Variants in DDX18 observed in about 807,000 individuals in gnomAD.
DDX18 encodes the protein ATP-dependent RNA helicase DDX18.
A neutral mutation model predicts 73.5 loss-of-function variants in DDX18; 23 were observed. That is an observed-to-expected ratio of 0.31 (90% CI 0.23 to 0.44). The LOEUF (loss-of-function observed/expected upper bound fraction) is 0.44. Among genes scored for constraint, DDX18 ranks in the 20% least tolerant of loss-of-function variants. The pLI is 1.00. For missense variants in DDX18, 753 were observed against 792.9 expected (o/e 0.95, Z 0.60); for synonymous variants, 268 against 282.7 (o/e 0.95, Z 0.52).
intron 4 of DDX18, 73 bp downstream of exon 4, chr2:117,821,369 A>G (rs1679844537): frequency 3.3e-6 from 5 of 1,512,808 alleles, no homozygotes; most frequent in South Asian, 2.6e-5. Flanking sequence ...ACATACCAGT[A>G]TATTCTGTTG....
In DDX18 at chr2:117,824,583, A is replaced by C; in HGVS notation, c.1081A>C (p.Met361Leu). The C allele has an allele frequency of 6.8e-7, 1 of 1,469,968 alleles. No homozygotes were observed. The highest frequency in any genetic ancestry group is 2.6e-5 in the Admixed American group (1 of 38,568). The allele number at this position is 1,469,968 out of a possible 1,614,324, so 91.1% of individuals were successfully genotyped here. Residue 361 changes from methionine (M) to leucine (L), a missense_variant, in exon 8 of 14, where the codon ATG becomes CTG. Around this residue, in one of 3 missense-constraint regions of DDX18, gnomAD observed 402 missense variants for 419.4 expected, o/e 0.96. Coordinates refer to ENST00000263239, the MANE Select transcript of DDX18 (RefSeq NM_006773.4). ...IKLLPTRRQTMLFSATQTRKV... is the reference protein window; with the variant it reads ...IKLLPTRRQTLLFSATQTRKV... ...ATCTGTTTCAGCACGTAGACAGACTATGCTCTTTTCTGCCACCCAAACTCG... is the reference window on the plus strand; with the variant it reads ...ATCTGTTTCAGCACGTAGACAGACTCTGCTCTTTTCTGCCACCCAAACTCG...
chr2:117,827,687 A>G (rs1017548406), intron 11 of DDX18: 3 of 152,126 alleles, frequency 2.0e-5, no homozygotes, highest in Non-Finnish European at 4.4e-5. Flanking sequence ...TTATGGCTGC[A>G]TAGTATTCCA....
At chr2:117,827,375 A>G (rs1352591310) in intron 11 of DDX18, 2 of 152,114 alleles carry the variant, frequency 1.3e-5, no homozygotes, top group African/African-American at 4.8e-5. Flanking sequence ...TCTAGGGTAC[A>G]TGTGCACCAT....
Position 117,829,425 on chromosome 2 carries a change from C to G in DDX18, c.1829C>G (p.Ala610Gly). Residue 610 changes from alanine (A) to glycine (G), a missense_variant, in exon 13 of 14, where the codon GCT becomes GGT. Transcript: ENST00000263239. ...NVNNLNLPQV[A>G]LSFGFKVPPF... is the part of the protein sequence containing the mutation. ...AATAACCTAAATTTGCCTCAGGTTG[C>G]TCTGTCATTTGGTTTCAAGGTGCCT... is the stretch of plus-strand genomic sequence containing the variant. 1.2e-6 allele frequency: 2 copies of G among 1,613,418 alleles called. No individual in the cohort carries two copies. The highest frequency in any genetic ancestry group is 1.7e-6 in the Non-Finnish European group (2 of 1,179,834).
At chr2:117,819,551 A>G (rs1679810618) in intron 2 of DDX18, 98 bp from the exon 3 acceptor site, 4 of 1,154,492 alleles carry the variant, frequency 3.5e-6, no homozygotes, top group African/African-American at 1.6e-5. Flanking sequence ...GCTTTTGAAA[A>G]TATACGTCTT....
intron 11 of DDX18, chr2:117,828,601 C>T (rs781352826): frequency 1.4e-5 from 3 of 208,672 alleles, no homozygotes; most frequent in Admixed American, 1.1e-4. Flanking sequence ...GGTATTAGGG[C>T]CCCTCTTCTG....
In DDX18 at chr2:117,826,310, T is replaced by C; in HGVS notation, c.1563T>C (p.Asn521=). Residue 521 remains asparagine (N), a synonymous_variant, in exon 11 of 14, where the codon AAT becomes AAC. Coordinates refer to ENST00000263239, the MANE Select transcript of DDX18 (RefSeq NM_006773.4). The stretch of plus-strand genomic sequence containing the variant: ...TGGGTAGAACAGCCAGAGGCCTAAA[T>C]GGGAGAGGGCATGCCTTGCTCATTT... ...HRVGRTARGL[N]GRGHALLILR... The C allele has an allele frequency of 6.2e-7, 1 of 1,614,066 alleles. No homozygotes were observed. Among genetic ancestry groups the C allele is most frequent in the Non-Finnish European group, 8.5e-7 (1 of 1,179,982 alleles).
intron 2 of DDX18, among the ~76,000 whole-genome samples, chr2:117,817,968 C>T (rs966254289): frequency 1.3e-5 from 2 of 152,224 alleles, no homozygotes; most frequent in African/African-American, 2.4e-5. Flanking sequence ...GAAAACCTCT[C>T]TCAGAAAAGA....
At chr2:117,826,062 T>TTTG (rs1679921854) in intron 10 of DDX18, 2 of 146,470 alleles carry the variant, frequency 1.4e-5, no homozygotes, top group South Asian at 2.5e-4. Context: ...TTTTTTTTTT[T>TTTG]GGGCCTCAAT....
chr2:117,822,385 A>G (rs761961173), intron 7 of DDX18, 124 bp downstream of exon 7: 6 of 677,402 alleles, frequency 8.9e-6, no homozygotes, highest in African/African-American at 3.6e-5. Flanking sequence ...AGTTGTGCCA[A>G]TTAACCCGAA....
At chr2:117,820,954 C>T (rs1199428488) in intron 3 of DDX18, among the ~76,000 whole-genome samples, 1 of 152,036 alleles carries the variant, frequency 6.6e-6, no homozygotes, top group Admixed American at 6.5e-5. Flanking sequence ...AGTATGGTCT[C>T]TGGACTATAA....
intron 10 of DDX18, 135 bp from the exon 11 acceptor site, chr2:117,826,134 G>A (rs1013384086): frequency 1.7e-6 from 1 of 604,896 alleles, no homozygotes; most frequent in Admixed American, 2.8e-5. Context: ...TGGGGGTGTG[G>A]TGAAGGTGTG....
rs1680041400 is a variant in DDX18 at position 117,832,319 on chromosome 2, A to T, written c.*1595A>T. The T allele has an allele frequency of 6.6e-6, 1 of 152,204 alleles. No homozygotes were observed. Among genetic ancestry groups the T allele is most frequent in the Admixed American group, 6.5e-5 (1 of 15,276 alleles). 9.4% of individuals were successfully genotyped at this position (152,204 alleles called of 1,614,324 possible). Reference sequence around the variant, plus strand: ...TTAAGTCATCTACCTACTACTTGTAACCAGCTTGTTTCATAACATGTTATT... The same window carrying T: ...TTAAGTCATCTACCTACTACTTGTATCCAGCTTGTTTCATAACATGTTATT... On this transcript the variant is annotated 3_prime_UTR_variant, in exon 14 of 14. Transcript: ENST00000263239.
rs1205705228 is a variant in DDX18, at chr2:117,830,559, A to T, written c.1871-23A>T. 29 of 1,600,720 alleles carry T rather than the reference A, an allele frequency of 1.8e-5. No homozygotes were observed. In the Admixed American group the frequency reaches 2.5e-4, roughly 14 times the overall value. ...TGGAGTTCATTATCTTTTTTGCTTGATTTCCTTAATGTTTGCCTCCAGACG... is the reference window on the plus strand; with the variant it reads ...TGGAGTTCATTATCTTTTTTGCTTGTTTTCCTTAATGTTTGCCTCCAGACG... On this transcript the variant is annotated intron_variant, in intron 13 of 13. Coordinates refer to ENST00000263239, the MANE Select transcript of DDX18 (RefSeq NM_006773.4).
At position 117,832,316 on chromosome 2, in the gene DDX18, G is replaced by A. The variant is rs1430919675; in HGVS notation, c.*1592G>A. 3 of 152,032 alleles carry A rather than the reference G, an allele frequency of 2.0e-5. No homozygotes were observed. Among genetic ancestry groups the A allele is most frequent in the Non-Finnish European group, 2.9e-5 (2 of 68,012 alleles). The allele number at this position is 152,032 out of a possible 1,614,324, so 9.4% of individuals were successfully genotyped here. A position where few individuals can be genotyped will look rare whatever the true frequency, so the allele number is the denominator to read the frequency against. On this transcript the variant is annotated 3_prime_UTR_variant, in exon 14 of 14. Coordinates refer to ENST00000263239, the MANE Select transcript of DDX18 (RefSeq NM_006773.4). ...AAATTAAGTCATCTACCTACTACTT[G>A]TAACCAGCTTGTTTCATAACATGTT...
intron 2 of DDX18, among the ~76,000 whole-genome samples, chr2:117,819,078 A>G (rs2104620238): frequency 1.3e-5 from 2 of 152,318 alleles, no homozygotes; most frequent in Middle Eastern, 3.4e-3. Context: ...CATTTGACCC[A>G]GAGTCGAACA....
intron 7 of DDX18, among the ~76,000 whole-genome samples, chr2:117,823,913 C>G (rs1354898607): frequency 1.3e-5 from 2 of 152,034 alleles, no homozygotes; most frequent in Non-Finnish European, 2.9e-5. Flanking sequence ...CATGTTTTTT[C>G]TTTAGTTAAC....
intron 8 of DDX18, 100 bp from the exon 9 acceptor site, chr2:117,824,839 AC>A: frequency 6.8e-7 from 1 of 1,475,256 alleles, no homozygotes; most frequent in African/African-American, 1.4e-5. Context: ...ATGACAGTTT[AC>A]ACACTGTGTT....
chr2:117,817,812 C>T (rs759562617), intron 2 of DDX18, 84 bp downstream of exon 2: 8 of 1,413,022 alleles, frequency 5.7e-6, no homozygotes, highest in Non-Finnish European at 7.7e-6. Context: ...ATTGTGTGCA[C>T]ATGACATGAG....
Sources: gnomAD v4.1 joint callset for allele counts (sites outside exome capture counted in the v4.1 genomes callset) on GRCh38, gnomAD v4.1.1 for gene constraint, gnomAD v4.1.1 regional missense constraint, MANE v1.5 for transcripts, NCBI Gene and HGNC (gene_info 2026-07-23, HGNC 2026-07-21) for gene names.